AKR1C8: variants seen among roughly 807,000 people sequenced by gnomAD.
AKR1C8 encodes aldo-keto reductase family 1 member C8.
the AKR1C8 span, among the ~76,000 whole-genome samples, chr10:5,119,116 C>T: frequency 6.6e-6 from 1 of 152,168 alleles, no homozygotes; most frequent in African/African-American, 2.4e-5. Context: ...AGACTATAAA[C>T]TCAAGGCATT....
At chr10:5,176,701 G>A in the AKR1C8 span, among the ~76,000 whole-genome samples, 3 of 152,134 alleles carry the variant, frequency 2.0e-5, no homozygotes, top group Non-Finnish European at 4.4e-5. Context: ...CACATCCCTT[G>A]TAAGTTGGAT....
chr10:5,139,828 G>A, the AKR1C8 span, among the ~76,000 whole-genome samples: 135 of 152,084 alleles, frequency 8.9e-4, 1 homozygote, highest in Non-Finnish European at 2.6e-4. Flanking sequence ...CTTCTGCACA[G>A]CAAAAGGAAC....
chr10:5,134,297 G>T, the AKR1C8 span, among the ~76,000 whole-genome samples: 2 of 152,052 alleles, frequency 1.3e-5, no homozygotes, highest in Admixed American at 6.6e-5. Context: ...TAGTGTTGAT[G>T]GTCTTCAAGA....
At chr10:5,181,109 G>C in the AKR1C8 span, among the ~76,000 whole-genome samples, 1,306 of 152,302 alleles carry the variant, frequency 8.6e-3, 16 homozygotes, top group African/African-American at 0.03. Context: ...GACCAGAGCT[G>C]TTCCTATTCG....
chr10:5,140,235 G>C, the AKR1C8 span, among the ~76,000 whole-genome samples: 1 of 152,206 alleles, frequency 6.6e-6, no homozygotes, highest in Non-Finnish European at 1.5e-5. Context: ...GGAAGACAGT[G>C]TGGCGATTTC....
the AKR1C8 span, among the ~76,000 whole-genome samples, chr10:5,137,480 C>T: frequency 6.6e-6 from 1 of 152,082 alleles, no homozygotes; most frequent in African/African-American, 2.4e-5. Context: ...ATCACATAAA[C>T]AGGACCAACA....
the AKR1C8 span, among the ~76,000 whole-genome samples, chr10:5,138,085 A>G: frequency 2.6e-4 from 40 of 151,480 alleles, no homozygotes; most frequent in African/African-American, 9.7e-4. Flanking sequence ...CGGTGCACGT[A>G]CTGTCTTGAT....
the AKR1C8 span, among the ~76,000 whole-genome samples, chr10:5,176,281 T>C: frequency 8.6e-6 from 1 of 116,274 alleles, no homozygotes; most frequent in African/African-American, 2.9e-5. Flanking sequence ...AAAGATCCGA[T>C]AGTTGTAGAT....
the AKR1C8 span, among the ~76,000 whole-genome samples, chr10:5,117,280 G>A: frequency 0.19 from 29,007 of 152,064 alleles, 3,699 homozygotes; most frequent in East Asian, 0.62. Flanking sequence ...ATGAGGTAGC[G>A]GACTTGAGCT....
At chr10:5,154,478 T>C in the AKR1C8 span, 1 of 276,106 alleles carries the variant, frequency 3.6e-6, no homozygotes, top group East Asian at 8.6e-5. Flanking sequence ...TTCTTTTTAA[T>C]TGGGTGACAT....
the AKR1C8 span, among the ~76,000 whole-genome samples, chr10:5,117,509 A>T: frequency 1.3e-5 from 2 of 152,262 alleles, no homozygotes; most frequent in East Asian, 3.9e-4. Flanking sequence ...AGGTATTAAG[A>T]TCACCCACTC....
At chr10:5,153,272 TA>T in the AKR1C8 span, among the ~76,000 whole-genome samples, 2 of 152,184 alleles carry the variant, frequency 1.3e-5, no homozygotes, top group South Asian at 4.1e-4. Context: ...ACAAAAATAA[TA>T]AAAATGCCGA....
the AKR1C8 span, among the ~76,000 whole-genome samples, chr10:5,121,485 C>T: frequency 6.6e-6 from 1 of 152,080 alleles, no homozygotes; most frequent in Non-Finnish European, 1.5e-5. Context: ...AGAGTTGTGA[C>T]AGGCGAAGAA....
At chr10:5,153,187 C>G in the AKR1C8 span, among the ~76,000 whole-genome samples, 1 of 152,094 alleles carries the variant, frequency 6.6e-6, no homozygotes, top group African/African-American at 2.4e-5. Context: ...ATTTAATTTA[C>G]TGCTAAAACA....
At chr10:5,170,226 C>A in the AKR1C8 span, among the ~76,000 whole-genome samples, 1 of 152,040 alleles carries the variant, frequency 6.6e-6, no homozygotes. Context: ...ATTTTAGAAA[C>A]TTGTAGCAAG....
the AKR1C8 span, among the ~76,000 whole-genome samples, chr10:5,142,918 T>A: frequency 6.6e-6 from 1 of 152,164 alleles, no homozygotes; most frequent in African/African-American, 2.4e-5. Context: ...ATTCCTTTTT[T>A]AAAAAAATAC....
chr10:5,135,692 C>T, the AKR1C8 span, among the ~76,000 whole-genome samples: 33 of 152,082 alleles, frequency 2.2e-4, no homozygotes, highest in South Asian at 6.2e-3. Flanking sequence ...TTGTTCATGC[C>T]GTGATGATGT....
chr10:5,141,450 G>A, the AKR1C8 span, among the ~76,000 whole-genome samples: 1 of 152,010 alleles, frequency 6.6e-6, no homozygotes, highest in South Asian at 2.1e-4. Context: ...TTTTCATGAT[G>A]GCATTCAGAA....
the AKR1C8 span, among the ~76,000 whole-genome samples, chr10:5,181,200 A>T: frequency 1.3e-5 from 2 of 152,334 alleles, no homozygotes; most frequent in Non-Finnish European, 2.9e-5. Flanking sequence ...TTAAAGGTTT[A>T]TAAAAATCTC....
Sources: allele counts gnomAD v4.1 joint callset (sites outside exome capture counted in the v4.1 genomes callset), GRCh38; gene constraint gnomAD v4.1.1; transcripts MANE v1.5; gene names NCBI Gene and HGNC (gene_info 2026-07-23, HGNC 2026-07-21).